RAI2: variants seen among roughly 807,000 people sequenced by gnomAD.
RAI2 encodes retinoic acid-induced protein 2.
A neutral mutation model predicts 15.3 loss-of-function variants in RAI2; 5 were observed. That is an observed-to-expected ratio of 0.33 (90% CI 0.17 to 0.69). The LOEUF (loss-of-function observed/expected upper bound fraction) is 0.69, where lower values mean the gene tolerates loss of function less well. Among genes scored for constraint, RAI2 ranks in the 30% least tolerant of loss-of-function variants. The pLI is 0.69. For missense variants in RAI2, 424 were observed against 424.7 expected (o/e 1.00, Z 0.01); for synonymous variants, 191 against 184.0 (o/e 1.04, Z -0.31).
At chrX:17,838,640 AAC>A (rs939115482) in intron 1 of RAI2, among the ~76,000 whole-genome samples, 33 of 97,905 alleles carry the variant, frequency 3.4e-4, no homozygotes, top group Non-Finnish European at 4.0e-4. Flanking sequence ...GACCGCCTCA[AAC>A]ACACACACAC....
intron 1 of RAI2, among the ~76,000 whole-genome samples, chrX:17,848,262 T>A (rs1473100275): frequency 3.0e-5 from 3 of 99,098 alleles, no homozygotes; most frequent in African/African-American, 1.2e-4. Context: ...AAAAGACACA[T>A]GATTTCTGCT....
chrX:17,819,397 A>G (rs1412529379), intron 1 of RAI2, among the ~76,000 whole-genome samples: 1 of 112,844 alleles, frequency 8.9e-6, no homozygotes, highest in Non-Finnish European at 1.9e-5. Context: ...ACCACTGGTC[A>G]ATGGCACCAC....
chrX:17,818,686 C>T (rs2067131761), intron 1 of RAI2, among the ~76,000 whole-genome samples: 1 of 112,888 alleles, frequency 8.9e-6, no homozygotes, highest in Admixed American at 9.3e-5. Context: ...CCATAGCTGG[C>T]ACTTCCAGGG....
chrX:17,806,917 T>C (rs2066987278), intron 1 of RAI2, among the ~76,000 whole-genome samples: 1 of 110,287 alleles, frequency 9.1e-6, no homozygotes, highest in Admixed American at 9.6e-5. Flanking sequence ...AACTCTATCG[T>C]AAGAACAGCA....
intron 1 of RAI2, among the ~76,000 whole-genome samples, chrX:17,823,358 A>G (rs1201652725): frequency 8.9e-6 from 1 of 112,494 alleles, no homozygotes; most frequent in African/African-American, 3.2e-5. Context: ...GGCGAGGATT[A>G]TATTTGAAAC....
intron 1 of RAI2, among the ~76,000 whole-genome samples, chrX:17,811,830 G>T (rs752985423): frequency 2.2e-4 from 24 of 111,502 alleles, no homozygotes; most frequent in Admixed American, 2.8e-4. Context: ...ACTTAGACAG[G>T]CCTAGGTTCA....
rs778718419 is a variant in RAI2 at position 17,801,732 on chromosome X, G to A, written c.279C>T (p.His93=). Residue 93 remains histidine (H), a synonymous_variant, in exon 2 of 2, where the codon CAC becomes CAT. Transcript: ENST00000451717. ...LGESPVVMPI[H]MQVEGSSAPE... is the part of the protein sequence containing the mutation. ...GTGCGGAGCTTCCCTCCACCTGCAT[G>A]TGAATGGGCATCACCACTGGGCTCT... 1.7e-6 allele frequency: 2 copies of A among 1,212,123 alleles called. No homozygotes were observed. The highest frequency in any genetic ancestry group is 3.5e-5 in the South Asian group (2 of 57,003).
chrX:17,850,897 T>A (rs1569357812), intron 1 of RAI2, among the ~76,000 whole-genome samples: 1 of 113,002 alleles, frequency 8.8e-6, no homozygotes, highest in Non-Finnish European at 1.9e-5. Flanking sequence ...TTTTGTAAAG[T>A]GGAAAAGGTT....
chrX:17,814,379 G>GT (rs2067082358), intron 1 of RAI2, among the ~76,000 whole-genome samples: 1 of 104,127 alleles, frequency 9.6e-6, no homozygotes, highest in African/African-American at 3.5e-5. Context: ...ACACCTTTAG[G>GT]GAGCATCATG....
chrX:17,828,367 C>A (rs2067248476), intron 1 of RAI2, among the ~76,000 whole-genome samples: 1 of 111,153 alleles, frequency 9.0e-6, no homozygotes, highest in Admixed American at 9.6e-5. Flanking sequence ...CTCCCTCCTG[C>A]CGAGAAGCTA....
intron 1 of RAI2, among the ~76,000 whole-genome samples, chrX:17,845,652 A>G (rs770642069): frequency 3.6e-5 from 4 of 112,469 alleles, no homozygotes; most frequent in Non-Finnish European, 5.6e-5. Flanking sequence ...AAGCTTTTGA[A>G]AACTTAAAAT....
intron 1 of RAI2, among the ~76,000 whole-genome samples, chrX:17,845,311 T>C (rs933980270): frequency 8.9e-6 from 1 of 112,709 alleles, no homozygotes; most frequent in Non-Finnish European, 1.9e-5. Context: ...TTCCTCTAGT[T>C]TTCCCTTTCG....
At chrX:17,852,289 C>A (rs2067545665) in intron 1 of RAI2, among the ~76,000 whole-genome samples, 1 of 112,240 alleles carries the variant, frequency 8.9e-6, no homozygotes, top group South Asian at 3.7e-4. Flanking sequence ...GTGTCGCTGG[C>A]TTGCCAAATC....
At position 17,800,881 on chromosome X, in the gene RAI2, T is replaced by G; in HGVS notation, c.1130A>C (p.Lys377Thr). ...AGAAATTTCCATGCCACTGGGAAGT[T>G]TCTCCATCACTGTGTGACCTGAGCT... Reference protein sequence around the residue: ...VDSSGHTVMEKLPSGMEISFA... With the variant: ...VDSSGHTVMETLPSGMEISFA... The change falls in exon 2 of 2, where the codon AAA becomes ACA. Residue 377 changes from lysine to threonine, a missense_variant. Lys to Thr is a moderately conservative substitution (Grantham distance 78). Coordinates refer to ENST00000451717, the MANE Select transcript of RAI2 (RefSeq NM_021785.6). 2.5e-6 allele frequency: 3 copies of G among 1,211,375 alleles called. No homozygotes were observed. Among genetic ancestry groups the G allele is most frequent in the Non-Finnish European group, 3.4e-6 (3 of 895,377 alleles).
At chrX:17,835,271 T>C (rs1445654296) in intron 1 of RAI2, among the ~76,000 whole-genome samples, 2 of 112,258 alleles carry the variant, frequency 1.8e-5, no homozygotes, top group Non-Finnish European at 3.8e-5. Flanking sequence ...GATTAGAAAA[T>C]GTGTGTAGCA....
chrX:17,850,313 G>A (rs914930097), intron 1 of RAI2, among the ~76,000 whole-genome samples: 11 of 112,033 alleles, frequency 9.8e-5, no homozygotes, highest in Non-Finnish European at 3.8e-5. Context: ...GGGTCACACC[G>A]GGGAGCCTTT....
chrX:17,815,829 C>G (rs1008019003), intron 1 of RAI2, among the ~76,000 whole-genome samples: 1 of 111,218 alleles, frequency 9.0e-6, no homozygotes, highest in African/African-American at 3.3e-5. Context: ...TCAGAATCAC[C>G]CATCAATTAA....
intron 1 of RAI2, among the ~76,000 whole-genome samples, chrX:17,855,885 T>C (rs1456618495): frequency 8.9e-6 from 1 of 112,458 alleles, no homozygotes; most frequent in Non-Finnish European, 1.9e-5. Flanking sequence ...GATTCTTTTT[T>C]TGTATTAAGT....
intron 1 of RAI2, among the ~76,000 whole-genome samples, chrX:17,835,659 T>C (rs989825573): frequency 9.0e-6 from 1 of 111,509 alleles, no homozygotes; most frequent in Non-Finnish European, 1.9e-5. Flanking sequence ...ACTCAAATCA[T>C]CAAATGTTAT....
Sources: allele counts gnomAD v4.1 joint callset (sites outside exome capture counted in the v4.1 genomes callset), GRCh38; gene constraint gnomAD v4.1.1; transcripts MANE v1.5; gene names NCBI Gene and HGNC (gene_info 2026-07-23, HGNC 2026-07-21).